Variants in SEPTIN7 observed in about 807,000 individuals in gnomAD.
SEPTIN7 encodes the protein septin 7, also known as septin-7.
A neutral mutation model predicts 63.3 loss-of-function variants in SEPTIN7; 10 were observed. That is an observed-to-expected ratio of 0.16 (90% CI 0.10 to 0.27). SEPTIN7 has a LOEUF of 0.27. SEPTIN7 is among the 10% of genes least tolerant of loss of function. The pLI is 1.00. For synonymous variants in SEPTIN7, 131 were observed against 165.3 expected, an observed-to-expected ratio of 0.79 and a Z score of 1.59; for missense variants, 310 against 521.0, an observed-to-expected ratio of 0.59 and a Z score of 3.94.
intron 3 of SEPTIN7, among the ~76,000 whole-genome samples, chr7:35,833,424 G>A (rs954048918): frequency 2.6e-5 from 4 of 151,920 alleles, no homozygotes; most frequent in Non-Finnish European, 5.9e-5. Context: ...TTTCTTTTGT[G>A]TGTTATTCCA....
chr7:35,814,953 C>T (rs184205833), intron 1 of SEPTIN7, among the ~76,000 whole-genome samples: 13 of 118,900 alleles, frequency 1.1e-4, no homozygotes, highest in South Asian at 5.2e-4. Context: ...CCAGCCTAGG[C>T]GACAGAGCGA....
At position 35,905,746 on chromosome 7, in the gene SEPTIN7, T is replaced by TG. The variant is rs1788580312; in HGVS notation, c.*1455dup. The TG allele has an allele frequency of 6.6e-6, 1 of 152,214 alleles. No individual in the cohort carries two copies. The highest frequency in any genetic ancestry group is 2.1e-4 in the South Asian group (1 of 4,832). 9.4% of individuals were successfully genotyped at this position (152,214 alleles called of 1,614,324 possible). Reference sequence around the variant, plus strand: ...GATTACAGGCATGAGCCGTCATGCCTGGCCTCTGAGAACAGTTTCTGACTC... The same window carrying TG: ...GATTACAGGCATGAGCCGTCATGCCTGGGCCTCTGAGAACAGTTTCTGACTC... On this transcript the variant is annotated 3_prime_UTR_variant, in exon 14 of 14. Coordinates refer to ENST00000350320, the MANE Select transcript of SEPTIN7 (RefSeq NM_001788.6).
intron 1 of SEPTIN7, among the ~76,000 whole-genome samples, chr7:35,816,828 C>T (rs1016997721): frequency 3.9e-5 from 6 of 152,066 alleles, no homozygotes; most frequent in Non-Finnish European, 5.9e-5. Context: ...TGTTGAACAT[C>T]TTTTCATGTG....
At chr7:35,807,388 GTC>G (rs1257675466) in intron 1 of SEPTIN7, among the ~76,000 whole-genome samples, 2 of 109,474 alleles carry the variant, frequency 1.8e-5, no homozygotes, top group African/African-American at 3.6e-5. Context: ...TTTAGATGGA[GTC>G]TCTCTGTGTC....
chr7:35,864,033 C>A lies in SEPTIN7; in HGVS notation c.276+375C>A, dbSNP rs1451702122. 2.0e-5 allele frequency among the ~76,000 whole-genome samples: 3 copies of A among 151,278 alleles called. No individual in the cohort carries two copies. The East Asian group carries it at 5.8e-4, about 29-fold the overall frequency. ...GATACATTTCAAGTGCTCAACAGCC[C>A]ATGTGGCAAGTGGCTGCCATTTTTT... On this transcript the variant is annotated intron_variant, in intron 4 of 13. Coordinates refer to ENST00000350320, the MANE Select transcript of SEPTIN7 (RefSeq NM_001788.6).
intron 3 of SEPTIN7, among the ~76,000 whole-genome samples, chr7:35,853,403 C>T (rs1295583359): frequency 1.3e-5 from 2 of 152,126 alleles, no homozygotes; most frequent in East Asian, 1.9e-4. Flanking sequence ...TAAACCTGCA[C>T]GACAGAGTGA....
At chr7:35,894,886 G>A (rs948826704) in intron 11 of SEPTIN7, among the ~76,000 whole-genome samples, 1 of 152,164 alleles carries the variant, frequency 6.6e-6, no homozygotes, top group African/African-American at 2.4e-5. Context: ...TCATCCTTAT[G>A]TGGCATGGTG....
chr7:35,893,191 A>C (rs1442582474), intron 11 of SEPTIN7, among the ~76,000 whole-genome samples: 1 of 149,550 alleles, frequency 6.7e-6, no homozygotes, highest in Admixed American at 6.8e-5. Flanking sequence ...GTGTGAGTTT[A>C]GGCTTCTTTT....
intron 11 of SEPTIN7, 70 bp downstream of exon 11, chr7:35,890,863 T>C: frequency 7.9e-7 from 1 of 1,265,566 alleles, no homozygotes; most frequent in Non-Finnish European, 1.0e-6. Flanking sequence ...TTCATTTTCA[T>C]TAAATTTCTT....
chr7:35,878,380 C>T (rs1786609002), intron 6 of SEPTIN7, among the ~76,000 whole-genome samples: 1 of 152,100 alleles, frequency 6.6e-6, no homozygotes. Flanking sequence ...TTCAGAAAGG[C>T]TGGCACATTG....
At chr7:35,837,457 A>C (rs1784136383) in intron 3 of SEPTIN7, among the ~76,000 whole-genome samples, 1 of 152,200 alleles carries the variant, frequency 6.6e-6, no homozygotes, top group African/African-American at 2.4e-5. Flanking sequence ...TAATACTATA[A>C]TAACATCGTT....
chr7:35,905,554 C>A lies in SEPTIN7; in HGVS notation c.*1261C>A. ...TTTTCCCCCAGACAGGGTCTTGCTT[C>A]ATTGCCCAGGCTGGAGTGCGGTGGC... is the stretch of plus-strand genomic sequence containing the variant. On this transcript the variant is annotated 3_prime_UTR_variant, in exon 14 of 14. Transcript: ENST00000350320. 6.6e-6 allele frequency: 1 copy of A among 152,214 alleles called. No homozygotes were observed. Among genetic ancestry groups the A allele is most frequent in the South Asian group, 2.1e-4 (1 of 4,852 alleles). 9.4% of individuals were successfully genotyped at this position (152,214 alleles called of 1,614,324 possible). A position where few individuals can be genotyped will look rare whatever the true frequency, so the allele number is the denominator to read the frequency against.
chr7:35,812,090 G>T, intron 1 of SEPTIN7: 2 of 224,810 alleles, frequency 8.9e-6, no homozygotes, highest in South Asian at 4.1e-5. Flanking sequence ...TCAAGCCTCT[G>T]CACTGCCTGG....
At chr7:35,881,687 A>G (rs1485526449) in intron 7 of SEPTIN7, among the ~76,000 whole-genome samples, 3 of 151,900 alleles carry the variant, frequency 2.0e-5, no homozygotes, top group African/African-American at 7.2e-5. Context: ...ATATAAGTAT[A>G]GACAGGGAAG....
At chr7:35,806,490 A>G (rs891296827) in intron 1 of SEPTIN7, among the ~76,000 whole-genome samples, 2 of 152,218 alleles carry the variant, frequency 1.3e-5, no homozygotes, top group East Asian at 1.9e-4. Flanking sequence ...AGAGGGACCC[A>G]GGAGTCTACA....
In SEPTIN7 at chr7:35,801,181, C is replaced by A; in HGVS notation, c.-29C>A. ...TGGAGAATCGGCGGGCTGCGCTCCGCTGGGGCTGGTCGCGGAGGGGGGGAG... is the reference window on the plus strand; with the variant it reads ...TGGAGAATCGGCGGGCTGCGCTCCGATGGGGCTGGTCGCGGAGGGGGGGAG... On this transcript the variant is annotated 5_prime_UTR_variant, in exon 1 of 14. In the 5' UTR this introduces an upstream ATG that the reference lacks. Transcript: ENST00000350320. The A allele has an allele frequency of 6.7e-7, 1 of 1,483,702 alleles. No individual in the cohort carries two copies. Among genetic ancestry groups the A allele is most frequent in the Non-Finnish European group, 9.0e-7 (1 of 1,114,336 alleles). 91.9% of individuals were successfully genotyped at this position (1,483,702 alleles called of 1,614,324 possible). A position where few individuals can be genotyped will look rare whatever the true frequency, so the allele number is the denominator to read the frequency against.
rs559654190 is a variant in SEPTIN7, at chr7:35,804,844, T to G, written c.61+3574T>G. ...GCGTGTTTCTTTTTTTGTTTTTTTTTTTTTTTTTTGAGACGTAATTTCGCT... is the reference window on the plus strand; with the variant it reads ...GCGTGTTTCTTTTTTTGTTTTTTTTGTTTTTTTTTGAGACGTAATTTCGCT... On this transcript the variant is annotated intron_variant, in intron 1 of 13. Coordinates refer to ENST00000350320, the MANE Select transcript of SEPTIN7 (RefSeq NM_001788.6). Among the ~76,000 whole-genome samples the G allele has an allele frequency of 2.2e-4, 33 of 148,698 alleles. 1 individual carries two copies. Among genetic ancestry groups the G allele is most frequent in the Middle Eastern group, 6.8e-3 (2 of 294 alleles).
At chr7:35,876,665 A>C (rs1786491666) in intron 6 of SEPTIN7, among the ~76,000 whole-genome samples, 1 of 152,130 alleles carries the variant, frequency 6.6e-6, no homozygotes, top group African/African-American at 2.4e-5. Flanking sequence ...CCATCTCTAC[A>C]AAAAATTAAA....
intron 7 of SEPTIN7, 73 bp from the exon 8 acceptor site, chr7:35,882,411 G>A: frequency 8.8e-7 from 1 of 1,133,776 alleles, no homozygotes; most frequent in Non-Finnish European, 1.1e-6. Flanking sequence ...AATCGAAGAG[G>A]CATGTAATGA....
Sources: allele counts gnomAD v4.1 joint callset (sites outside exome capture counted in the v4.1 genomes callset), GRCh38; gene constraint gnomAD v4.1.1; transcripts MANE v1.5; gene names NCBI Gene and HGNC (gene_info 2026-07-23, HGNC 2026-07-21).